NUDT16L1: variants seen among roughly 807,000 people sequenced by gnomAD.
NUDT16L1 encodes the protein tudor-interacting repair regulator protein.
A neutral mutation model predicts 17.3 loss-of-function variants in NUDT16L1; 19 were observed. The ratio of observed to expected loss-of-function variants is 1.10; its 90% confidence interval spans 0.77 to 1.61. The LOEUF is 1.61. Among genes scored for constraint, NUDT16L1 ranks in the 40% most tolerant of loss-of-function variants. The pLI is 0.00. For missense variants in NUDT16L1, 341 were observed against 292.0 expected (o/e 1.17, Z -1.22); for synonymous variants, 255 against 138.6 (o/e 1.84, Z -5.90).
At chr16:4,693,919 G>A in intron 1 of NUDT16L1, 40 bp downstream of exon 1, 1 of 1,487,622 alleles carries the variant, frequency 6.7e-7, no homozygotes, top group East Asian at 2.7e-5. Flanking sequence ...TGCCGGCGCG[G>A]GCGGGCCCGG....
rs1237650549 is a variant in NUDT16L1, at chr16:4,695,521, C to T, written c.*342C>T. 5 of 542,074 alleles carry T rather than the reference C, an allele frequency of 9.2e-6. No homozygotes were observed. The East Asian group carries it at 1.2e-4, about 13-fold the overall frequency. The allele number at this position is 542,074 out of a possible 1,614,324, so 33.6% of individuals were successfully genotyped here. ...CTGATTGTCCCACAGGGGTGGCGCA[C>T]AGCTCTGGGACCACTCAGAAGATGG... On this transcript the variant is annotated 3_prime_UTR_variant, in exon 3 of 3. Coordinates refer to ENST00000304301, the Ensembl canonical transcript of NUDT16L1.
upstream of NUDT16L1, chr16:4,693,620 G>C (rs1452868477): frequency 7.2e-6 from 9 of 1,252,168 alleles, no homozygotes; most frequent in African/African-American, 1.1e-4. Context: ...CGATTGGCGG[G>C]GGAACCGGAC....
rs538597125 is a variant in NUDT16L1, at chr16:4,693,936, G to A, written c.154-42G>A. ...CCGGCGCGGGCGGGCCCGGGCGGGG[G>A]CGTCCGTCGACCCCGCGGCTGTGAC... On this transcript the variant is annotated intron_variant, in intron 1 of 2. Transcript: ENST00000304301. The A allele has an allele frequency of 1.9e-5, 29 of 1,506,350 alleles. No homozygotes were observed. The African/African-American group carries it at 3.8e-4, about 20-fold the overall frequency. The allele number at this position is 1,506,350 out of a possible 1,614,324, so 93.3% of individuals were successfully genotyped here. A position where few individuals can be genotyped will look rare whatever the true frequency, so the allele number is the denominator to read the frequency against.
chr16:4,694,801 A>AGCTG (rs2079502725), intron 2 of NUDT16L1, 157 bp from the exon 3 acceptor site: 1 of 1,444,020 alleles, frequency 6.9e-7, no homozygotes, highest in Admixed American at 2.7e-5. Flanking sequence ...GCTCCGAGGG[A>AGCTG]GCTGGCTGGC....
intron 2 of NUDT16L1, chr16:4,694,474 C>T (rs1596329750): frequency 6.6e-7 from 1 of 1,523,592 alleles, no homozygotes; most frequent in Non-Finnish European, 8.8e-7. Flanking sequence ...GCCTTGCTGC[C>T]TGCCATTGCC....
chr16:4,695,482 A>G (rs2079522523), exon 3 of NUDT16L1: 1 of 565,412 alleles, frequency 1.8e-6, no homozygotes, highest in Non-Finnish European at 3.1e-6. Flanking sequence ...CAGCTGGTAG[A>G]GACCCAGGAG....
At chr16:4,694,933 C>T in intron 2 of NUDT16L1, 25 bp from the exon 3 acceptor site, 1 of 1,590,262 alleles carries the variant, frequency 6.3e-7, no homozygotes, top group Non-Finnish European at 8.5e-7. Context: ...GGCCTGGCCC[C>T]AACCCCTACC....
In NUDT16L1 at chr16:4,694,605, T is replaced by G. The variant is rs529787275; in HGVS notation, c.415-353T>G. The G allele has an allele frequency of 0.022, 30,975 of 1,430,436 alleles. 414 individuals carry two copies. The highest frequency in any genetic ancestry group is 0.025 in the Non-Finnish European group (27,450 of 1,094,200). The allele number at this position is 1,430,436 out of a possible 1,614,324, so 88.6% of individuals were successfully genotyped here. ...GTTGTAAAACTTGGGAACCTCATGT[T>G]GGGCGTGAAGGCTCTTGGGATTTGT... On this transcript the variant is annotated intron_variant, in intron 2 of 2. Coordinates refer to ENST00000304301, the Ensembl canonical transcript of NUDT16L1.
exon 3 of NUDT16L1, chr16:4,695,550 G>A (rs2079523691): frequency 6.6e-6 from 3 of 456,342 alleles, no homozygotes; most frequent in Admixed American, 3.8e-5. Flanking sequence ...AAGATGGGAT[G>A]TGTGGGTGGA....
In NUDT16L1 at chr16:4,693,772, G is replaced by T; in HGVS notation, c.46G>T (p.Glu16Ter). The change falls in exon 1 of 3, where the codon GAG (glutamate) becomes TAG (stop). Residue 16 changes from glutamate (E) to a stop codon, truncating the protein, a stop_gained. Transcript: ENST00000304301. LOFTEE classifies it high-confidence loss of function. ...GGAGCTGAAGCAGATCAGCCGGGTGGAGGCGATGCGCCTAGGGCCGGGCTG... is the reference window on the plus strand; with the variant it reads ...GGAGCTGAAGCAGATCAGCCGGGTGTAGGCGATGCGCCTAGGGCCGGGCTG... 1 of 1,565,340 alleles carries T rather than the reference G, an allele frequency of 6.4e-7. No individual in the cohort carries two copies. The highest frequency in any genetic ancestry group is 8.6e-7 in the Non-Finnish European group (1 of 1,160,106).
At chr16:4,694,822 C>T (rs1446478390) in intron 2 of NUDT16L1, 136 bp from the exon 3 acceptor site, 2 of 1,453,128 alleles carry the variant, frequency 1.4e-6, no homozygotes, top group South Asian at 1.4e-5. Flanking sequence ...TTCTGCCAGG[C>T]CCTGCGTGGG....
intron 1 of NUDT16L1, 37 bp downstream of exon 1, chr16:4,693,916 G>GCGGGCGGGCC (rs758057813): frequency 8.0e-6 from 12 of 1,494,306 alleles, no homozygotes; most frequent in Non-Finnish European, 9.7e-6. Flanking sequence ...GGGTGCCGGC[G>GCGGGCGGGCC]CGGGCGGGCC....
chr16:4,695,076 A>G, exon 3 of NUDT16L1: 1 of 1,613,534 alleles, frequency 6.2e-7, no homozygotes, highest in Non-Finnish European at 8.5e-7. Context: ...TTTGCCCTCA[A>G]GGTGCTCAAC....
exon 1 of NUDT16L1, chr16:4,693,858 C>T (rs1371509541): frequency 1.6e-5 from 25 of 1,554,566 alleles, no homozygotes; most frequent in Non-Finnish European, 2.1e-5. Context: ...TCGGCCGCAT[C>T]CCCATGCGCT....
At position 4,693,893 on chromosome 16, in the gene NUDT16L1, A is replaced by C. The variant is rs973348330; in HGVS notation, c.153+14A>C. ...TTCTCGGTGCTGGTGAGGACGGGCGAGGGCGCGGGCGAGGGTGCCGGCGCG... is the reference window on the plus strand; with the variant it reads ...TTCTCGGTGCTGGTGAGGACGGGCGCGGGCGCGGGCGAGGGTGCCGGCGCG... On this transcript the variant is annotated intron_variant, in intron 1 of 2. Coordinates refer to ENST00000304301, the Ensembl canonical transcript of NUDT16L1. 3 of 1,492,544 alleles carry C rather than the reference A, an allele frequency of 2.0e-6. No homozygotes were observed. The highest frequency in any genetic ancestry group is 2.7e-6 in the Non-Finnish European group (3 of 1,130,516). 92.5% of individuals were successfully genotyped at this position (1,492,544 alleles called of 1,614,324 possible). A position where few individuals can be genotyped will look rare whatever the true frequency, so the allele number is the denominator to read the frequency against.
At chr16:4,693,737 C>T (rs1281551599) in exon 1 of NUDT16L1, 6 of 1,537,512 alleles carry the variant, frequency 3.9e-6, no homozygotes, top group Admixed American at 4.0e-5. Flanking sequence ...ATGTCGACGG[C>T]GGCGGTTCCG....
intron 2 of NUDT16L1, chr16:4,694,686 G>C (rs1206358490): frequency 6.3e-6 from 9 of 1,425,246 alleles, no homozygotes; most frequent in African/African-American, 1.4e-5. Context: ...TGGGTGGACG[G>C]GGGGAGCATG....
At chr16:4,694,601 ATGT>A (rs962280893) in intron 2 of NUDT16L1, 1 of 1,428,628 alleles carries the variant, frequency 7.0e-7, no homozygotes, top group African/African-American at 1.5e-5. Context: ...TGGGAACCTC[ATGT>A]TGGGCGTGAA....
exon 1 of NUDT16L1, chr16:4,693,774 G>A (rs769460899): frequency 2.6e-6 from 4 of 1,565,936 alleles, no homozygotes; most frequent in Admixed American, 1.8e-5. Flanking sequence ...GCCGGGTGGA[G>A]GCGATGCGCC....
Sources: gnomAD v4.1 joint callset for allele counts on GRCh38, gnomAD v4.1.1 for gene constraint, MANE v1.5 for transcripts, NCBI Gene and HGNC (gene_info 2026-07-23, HGNC 2026-07-21) for gene names.